Variants in NTM observed in about 807,000 individuals in gnomAD.
The protein encoded by NTM is neurotrimin, also known as IgLON family member 2.
Under a neutral mutation model 42.1 loss-of-function variants are expected in NTM, and 13 were observed. The ratio of observed to expected loss-of-function variants is 0.31; its 90% confidence interval spans 0.20 to 0.49. The LOEUF is 0.49. Among genes scored for constraint, NTM ranks in the 20% least tolerant of loss-of-function variants. The pLI, the probability that NTM is intolerant of heterozygous loss-of-function variation, is 0.99. For synonymous variants in NTM, 187 were observed against 179.2 expected (o/e 1.04, Z -0.35); for missense variants, 373 against 452.8 (o/e 0.82, Z 1.60).
chr11:131,400,539 G>A (rs962562091), intron 1 of NTM, among the ~76,000 whole-genome samples: 22 of 152,128 alleles, frequency 1.4e-4, no homozygotes, highest in African/African-American at 5.3e-4. Context: ...GTCTCTCCCA[G>A]CTTTGGTTTT....
intron 3 of NTM, among the ~76,000 whole-genome samples, chr11:132,183,727 G>T (rs1343054506): frequency 1.3e-5 from 2 of 152,118 alleles, no homozygotes; most frequent in Non-Finnish European, 2.9e-5. Flanking sequence ...GTAAAGTGTG[G>T]AACTTGGTGT....
At chr11:131,587,094 ATT>A (rs1250211358) in intron 1 of NTM, among the ~76,000 whole-genome samples, 2 of 152,044 alleles carry the variant, frequency 1.3e-5, no homozygotes, top group African/African-American at 4.8e-5. Context: ...GTATTATCTC[ATT>A]TTATTTACCC....
chr11:132,286,449 T>G (rs1480829710), intron 4 of NTM, among the ~76,000 whole-genome samples: 3 of 151,926 alleles, frequency 2.0e-5, no homozygotes, highest in Non-Finnish European at 4.4e-5. Context: ...GATTTAGGAG[T>G]AACACAGAAG....
intron 1 of NTM, among the ~76,000 whole-genome samples, chr11:131,786,185 G>T (rs1793363056): frequency 6.6e-6 from 1 of 152,178 alleles, no homozygotes; most frequent in Admixed American, 6.5e-5. Context: ...AATGGCATTA[G>T]CTTGAAAATT....
At chr11:132,069,716 G>A (rs1305857879) in intron 2 of NTM, among the ~76,000 whole-genome samples, 10 of 144,838 alleles carry the variant, frequency 6.9e-5, no homozygotes, top group East Asian at 4.2e-4. Context: ...AGGTTAACAC[G>A]TCACACTGAC....
intron 3 of NTM, among the ~76,000 whole-genome samples, chr11:132,168,109 G>T (rs1367960474): frequency 6.6e-6 from 1 of 152,274 alleles, no homozygotes; most frequent in East Asian, 1.9e-4. Flanking sequence ...TTAATCAGTT[G>T]GTGGCAATTG....
chr11:131,584,871 C>A (rs900442456), intron 1 of NTM, among the ~76,000 whole-genome samples: 10 of 152,154 alleles, frequency 6.6e-5, no homozygotes, highest in African/African-American at 2.4e-4. Flanking sequence ...CTCCGGGCCT[C>A]CCCCTCTCAG....
intron 1 of NTM, among the ~76,000 whole-genome samples, chr11:131,809,617 C>T (rs1028317909): frequency 6.6e-6 from 1 of 152,184 alleles, no homozygotes; most frequent in Non-Finnish European, 1.5e-5. Context: ...ACTTTTTTGT[C>T]AGCTGTTATC....
At chr11:131,890,146 C>CTCTGTCTCTG (rs1181427196) in intron 1 of NTM, among the ~76,000 whole-genome samples, 1,852 of 65,684 alleles carry the variant, frequency 0.028, 52 homozygotes, top group African/African-American at 0.14. Flanking sequence ...CCCTCTCTCT[C>CTCTGTCTCTG]TCTCTCTCTG....
At chr11:131,848,649 C>A (rs1229363647) in intron 1 of NTM, among the ~76,000 whole-genome samples, 2 of 152,168 alleles carry the variant, frequency 1.3e-5, no homozygotes, top group African/African-American at 4.8e-5. Context: ...CTATTAATAA[C>A]TACCATTTAG....
At chr11:131,994,911 C>G (rs796118666) in intron 2 of NTM, among the ~76,000 whole-genome samples, 5 of 152,338 alleles carry the variant, frequency 3.3e-5, no homozygotes, top group African/African-American at 1.2e-4. Flanking sequence ...TACCTAAAAG[C>G]TGTCCTAGAT....
intron 2 of NTM, among the ~76,000 whole-genome samples, chr11:132,099,732 C>T (rs536721617): frequency 1.2e-4 from 19 of 152,298 alleles, no homozygotes; most frequent in Admixed American, 2.6e-4. Flanking sequence ...TGCTACTTTC[C>T]GGATAACAAG....
intron 3 of NTM, among the ~76,000 whole-genome samples, chr11:132,178,501 T>G (rs1469980919): frequency 6.6e-6 from 1 of 152,218 alleles, no homozygotes; most frequent in Non-Finnish European, 1.5e-5. Flanking sequence ...GTGTTTACCC[T>G]TTTGTTTTGT....
At position 131,598,746 on chromosome 11, in the gene NTM, TC is replaced by T. The variant is rs1434455058; in HGVS notation, c.82+227859del. Among the ~76,000 whole-genome samples the T allele has an allele frequency of 6.7e-5, 6 of 88,932 alleles. 1 individual carries two copies. The highest frequency in any genetic ancestry group is 2.3e-4 in the African/African-American group (6 of 25,810). The allele number at this position is 88,932 out of a possible 152,430, so 58.3% of individuals were successfully genotyped here. On this transcript the variant is annotated intron_variant, in intron 1 of 8. Coordinates refer to ENST00000683400, the MANE Select transcript of NTM (RefSeq NM_001352005.2). ...TTCTTTCTTTCTTTCTTTCTTTCTT[TC>T]TTTCTTTCTTCTTTCTTTTTTTCTT... is the stretch of plus-strand genomic sequence containing the variant.
chr11:131,939,271 A>G (rs1365524571), intron 2 of NTM, among the ~76,000 whole-genome samples: 1 of 152,118 alleles, frequency 6.6e-6, no homozygotes, highest in African/African-American at 2.4e-5. Context: ...AAGAGAATGA[A>G]ATATTTTATG....
intron 1 of NTM, among the ~76,000 whole-genome samples, chr11:131,563,037 G>A (rs567726664): frequency 2.0e-4 from 31 of 152,218 alleles, no homozygotes; most frequent in Non-Finnish European, 2.8e-4. Context: ...TCTCTGTCCC[G>A]CTTCTCATTC....
At chr11:132,226,904 G>A (rs1327236058) in intron 4 of NTM, among the ~76,000 whole-genome samples, 1 of 152,224 alleles carries the variant, frequency 6.6e-6, no homozygotes, top group African/African-American at 2.4e-5. Context: ...TACCATGCTG[G>A]TAATATACTA....
At chr11:131,909,325 G>T (rs552140575) in intron 1 of NTM, among the ~76,000 whole-genome samples, 1 of 152,266 alleles carries the variant, frequency 6.6e-6, no homozygotes, top group South Asian at 2.1e-4. Context: ...GTAAGTGATT[G>T]GTACTGCTCG....
In NTM at chr11:131,394,060, G is replaced by T. The variant is rs1944304875; in HGVS notation, c.82+23172G>T. Among the ~76,000 whole-genome samples the T allele has an allele frequency of 5.9e-5, 9 of 152,316 alleles. No individual in the cohort carries two copies. In the South Asian group the frequency reaches 1.9e-3, roughly 32 times the overall value. ...TCTGTAATTGTATTGCAACTAATAG[G>T]ATATGAAGAAAATTGTACCGGAGAA... On this transcript the variant is annotated intron_variant, in intron 1 of 8. Coordinates refer to ENST00000683400, the MANE Select transcript of NTM (RefSeq NM_001352005.2).
Sources: allele counts gnomAD v4.1 joint callset (sites outside exome capture counted in the v4.1 genomes callset), GRCh38; gene constraint gnomAD v4.1.1; transcripts MANE v1.5; gene names NCBI Gene and HGNC (gene_info 2026-07-23, HGNC 2026-07-21).